ARHGAP26: variants seen among roughly 807,000 people sequenced by gnomAD.
ARHGAP26 encodes Rho GTPase activating protein 26, also known as rho GTPase-activating protein 26.
ARHGAP26 carries 38 observed loss-of-function variants against 104.8 expected under a neutral mutation model. That is an observed-to-expected ratio of 0.36 (90% CI 0.28 to 0.48). ARHGAP26 has a LOEUF of 0.48. Ranked by LOEUF, ARHGAP26 falls within the 20% of genes least tolerant of loss-of-function variation. The probability of loss-of-function intolerance (pLI) is 0.99; values close to 1 mark genes in which losing one functional copy is unlikely to be tolerated. For synonymous variants in ARHGAP26, 341 were observed against 340.0 expected, an observed-to-expected ratio of 1.00 and a Z score of -0.03; for missense variants, 704 against 947.9, an observed-to-expected ratio of 0.74 and a Z score of 3.38.
intron 1 of ARHGAP26, among the ~76,000 whole-genome samples, chr5:142,809,066 C>T (rs528962564): frequency 6.6e-6 from 1 of 152,260 alleles, no homozygotes; most frequent in South Asian, 2.1e-4. Context: ...CAGAAATTTA[C>T]AGCTTGGTTT....
intron 5 of ARHGAP26, among the ~76,000 whole-genome samples, chr5:142,892,733 A>G (rs1758835996): frequency 6.6e-6 from 1 of 152,084 alleles, no homozygotes; most frequent in Non-Finnish European, 1.5e-5. Context: ...CATGTATACT[A>G]TTTTGATATA....
At chr5:142,795,209 G>A (rs551553918) in intron 1 of ARHGAP26, among the ~76,000 whole-genome samples, 1 of 152,104 alleles carries the variant, frequency 6.6e-6, no homozygotes, top group Non-Finnish European at 1.5e-5. Flanking sequence ...CCCATTGACT[G>A]TATGGGCATT....
At chr5:143,007,869 C>T (rs1778209099) in intron 11 of ARHGAP26, among the ~76,000 whole-genome samples, 1 of 152,146 alleles carries the variant, frequency 6.6e-6, no homozygotes, top group South Asian at 2.1e-4. Flanking sequence ...AAACGTTGAC[C>T]TTAGATTGTC....
chr5:143,030,652 C>T (rs1781712295), intron 12 of ARHGAP26, among the ~76,000 whole-genome samples: 2 of 152,216 alleles, frequency 1.3e-5, no homozygotes, highest in Non-Finnish European at 2.9e-5. Flanking sequence ...CTCATCTACT[C>T]TCAGAGGGTT....
chr5:142,923,820 A>AT (rs1763517238), intron 10 of ARHGAP26, among the ~76,000 whole-genome samples: 1 of 150,984 alleles, frequency 6.6e-6, no homozygotes. Flanking sequence ...TGCAGGCTTT[A>AT]ATAGGTTATG....
intron 5 of ARHGAP26, among the ~76,000 whole-genome samples, chr5:142,889,207 A>G (rs1034119008): frequency 3.9e-5 from 6 of 152,204 alleles, no homozygotes. Context: ...CAATTCATTC[A>G]TTCTGCATGC....
intron 1 of ARHGAP26, among the ~76,000 whole-genome samples, chr5:142,856,210 G>A (rs1752330339): frequency 6.6e-6 from 1 of 152,216 alleles, no homozygotes; most frequent in African/African-American, 2.4e-5. Flanking sequence ...CAGGAGCTGT[G>A]GGCACACAGT....
At chr5:143,215,598 A>G (rs980634231) in intron 22 of ARHGAP26, among the ~76,000 whole-genome samples, 2 of 152,152 alleles carry the variant, frequency 1.3e-5, no homozygotes, top group African/African-American at 4.8e-5. Context: ...AAGAAACCCC[A>G]TACCTTTTAG....
At chr5:142,802,942 A>C (rs1012700727) in intron 1 of ARHGAP26, among the ~76,000 whole-genome samples, 7 of 152,248 alleles carry the variant, frequency 4.6e-5, no homozygotes, top group African/African-American at 1.7e-4. Flanking sequence ...TCAAGGATTC[A>C]GTAAGCCTCT....
At chr5:142,958,564 A>G (rs1769637305) in intron 11 of ARHGAP26, among the ~76,000 whole-genome samples, 1 of 152,142 alleles carries the variant, frequency 6.6e-6, no homozygotes, top group African/African-American at 2.4e-5. Flanking sequence ...GCTACTTGGG[A>G]GGCTGAAGCA....
chr5:143,130,237 G>C (rs1797169816), intron 18 of ARHGAP26, among the ~76,000 whole-genome samples: 1 of 152,164 alleles, frequency 6.6e-6, no homozygotes, highest in African/African-American at 2.4e-5. Context: ...TCCACTTACA[G>C]GAAGCTTGAA....
chr5:142,772,855 G>T, intron 1 of ARHGAP26: 2 of 533,514 alleles, frequency 3.7e-6, no homozygotes, highest in Non-Finnish European at 3.8e-6. Context: ...AGGAGGGTGC[G>T]TTTGGGTGAC....
intron 20 of ARHGAP26, among the ~76,000 whole-genome samples, chr5:143,200,829 G>A (rs568354602): frequency 6.6e-6 from 1 of 152,334 alleles, no homozygotes; most frequent in East Asian, 1.9e-4. Context: ...ACTGTGGTGT[G>A]GAGATCAGAG....
chr5:143,091,303 A>G (rs1791409204), intron 17 of ARHGAP26, among the ~76,000 whole-genome samples: 1 of 152,178 alleles, frequency 6.6e-6, no homozygotes, highest in Non-Finnish European at 1.5e-5. Flanking sequence ...TGATGAGAAC[A>G]TGATCCTCAG....
Position 142,907,687 on chromosome 5 carries a change from G to A in ARHGAP26, c.833-17G>A. On this transcript the variant is annotated splice_polypyrimidine_tract_variant and intron_variant, in intron 8 of 22. Coordinates refer to ENST00000645722, the MANE Select transcript of ARHGAP26 (RefSeq NM_001135608.3). ...AGTGGAATGTATAGATATTTTATGG[G>A]AAATATTACCTTTCAGGTCACTTTG... 1 of 1,562,732 alleles carries A rather than the reference G, an allele frequency of 6.4e-7. No homozygotes were observed. Among genetic ancestry groups the A allele is most frequent in the South Asian group, 1.2e-5 (1 of 86,414 alleles).
intron 14 of ARHGAP26, among the ~76,000 whole-genome samples, chr5:143,050,843 C>G (rs917216608): frequency 6.6e-6 from 1 of 152,162 alleles, no homozygotes; most frequent in Admixed American, 6.5e-5. Context: ...AATCACAATC[C>G]TGAGTCCCCA....
At chr5:143,082,944 G>C (rs1790026744) in intron 17 of ARHGAP26, among the ~76,000 whole-genome samples, 2 of 152,016 alleles carry the variant, frequency 1.3e-5, no homozygotes, top group Admixed American at 1.3e-4. Flanking sequence ...TTTTTATTTT[G>C]GTATTCATAG....
At chr5:143,092,245 G>C (rs1791560936) in intron 17 of ARHGAP26, among the ~76,000 whole-genome samples, 1 of 143,030 alleles carries the variant, frequency 7.0e-6, no homozygotes, top group African/African-American at 2.6e-5. Context: ...CTCACTGCAA[G>C]CTCCGCCTCC....
rs945632703 is a variant in ARHGAP26 at position 143,068,276 on chromosome 5, C to T, written c.1538+10529C>T. Among the ~76,000 whole-genome samples the T allele has an allele frequency of 3.3e-5, 5 of 152,200 alleles. No homozygotes were observed. The East Asian group carries it at 7.7e-4, about 23-fold the overall frequency. On this transcript the variant is annotated intron_variant, in intron 17 of 22. Coordinates refer to ENST00000645722, the MANE Select transcript of ARHGAP26 (RefSeq NM_001135608.3). ...AGACATCGCAAAGCAACCTCAAGGG[C>T]GCTTGTGGTACCTGGCATCCTACTA...
Sources: allele counts gnomAD v4.1 joint callset (sites outside exome capture counted in the v4.1 genomes callset), GRCh38; gene constraint gnomAD v4.1.1; transcripts MANE v1.5; gene names NCBI Gene and HGNC (gene_info 2026-07-23, HGNC 2026-07-21).